PEX14: variants seen among roughly 807,000 people sequenced by gnomAD.
PEX14 encodes the protein peroxisomal biogenesis factor 14, also known as peroxisomal membrane protein PEX14.
A neutral mutation model predicts 49.5 loss-of-function variants in PEX14; 15 were observed. The ratio of observed to expected loss-of-function variants is 0.30; its 90% CI spans 0.20 to 0.47. The LOEUF is 0.47. PEX14 is among the 20% of genes least tolerant of loss of function. PEX14 has a pLI of 1.00. For missense variants in PEX14, 398 were observed against 494.8 expected (o/e 0.80, Z 1.86); for synonymous variants, 210 against 212.7 (o/e 0.99, Z 0.11).
chr1:10,531,722 G>A (rs1638656220), intron 2 of PEX14, among the ~76,000 whole-genome samples: 1 of 152,114 alleles, frequency 6.6e-6, no homozygotes, highest in Non-Finnish European at 1.5e-5. Flanking sequence ...GGAGATAGAT[G>A]TGTATGTAGT....
Position 10,591,949 on chromosome 1 carries a change from A to G in PEX14, c.170-7289A>G, listed in dbSNP as rs369987238. On this transcript the variant is annotated intron_variant, in intron 3 of 8. Transcript: ENST00000356607. The stretch of plus-strand genomic sequence containing the variant: ...TCTCTCTGTCCCTTTTTCTTGATCT[A>G]TAAAACAGAAGGAAAAAAGAAAAAG... Among the ~76,000 whole-genome samples the G allele has an allele frequency of 1.2e-4, 18 of 152,244 alleles. No individual in the cohort carries two copies. In the Middle Eastern group the frequency reaches 0.014, roughly 115 times the overall value.
At position 10,618,341 on chromosome 1, in the gene PEX14, G is replaced by A; in HGVS notation, c.308G>A (p.Gly103Asp). Residue 103 changes from glycine to aspartate, a missense_variant, in exon 5 of 9, where the codon GGC (glycine) becomes GAC (aspartate). Gly to Asp is a moderately conservative substitution (Grantham distance 94). Around this residue, in one of 3 missense-constraint regions of PEX14, gnomAD observed 202 missense variants for 298.5 expected, o/e 0.68. Coordinates refer to ENST00000356607, the MANE Select transcript of PEX14 (RefSeq NM_004565.3). Reference protein sequence around the residue: ...HLISQPYSPAGSRWRDYGALA... With the variant: ...HLISQPYSPADSRWRDYGALA... Reference sequence around the variant, plus strand: ...CTCTTCCCGCCTGTAGGTCCCGCAGGCTCCCGATGGCGAGATTACGGCGCC... The same window carrying A: ...CTCTTCCCGCCTGTAGGTCCCGCAGACTCCCGATGGCGAGATTACGGCGCC... The A allele has an allele frequency of 6.2e-7, 1 of 1,613,802 alleles. No individual in the cohort carries two copies. The highest frequency in any genetic ancestry group is 2.2e-5 in the East Asian group (1 of 44,884).
chr1:10,480,017 T>C lies in PEX14; in HGVS notation c.36+5015T>C, dbSNP rs113388491. ...GAGTGCAACCCTATCACTTAAAAAA[T>C]AAATAAATAAAATAAAAAATAATTA... On this transcript the variant is annotated intron_variant, in intron 1 of 8. Transcript: ENST00000356607. Among the ~76,000 whole-genome samples the C allele has an allele frequency of 4.5e-3, 685 of 152,072 alleles. 7 individuals carry two copies. The highest frequency in any genetic ancestry group is 0.016 in the African/African-American group (645 of 41,514).
intron 2 of PEX14, among the ~76,000 whole-genome samples, chr1:10,502,385 T>G (rs1641697398): frequency 6.6e-6 from 1 of 152,186 alleles, no homozygotes; most frequent in African/African-American, 2.4e-5. Flanking sequence ...GGCCACTTAC[T>G]GGTTTTGAAA....
In PEX14 at chr1:10,495,318, G is replaced by A. The variant is rs1557810674; in HGVS notation, c.81G>A (p.Pro27=). ...GTGAAAATGTGCTGCCTCGAGAGCCGCTGGTAAGTACCCAAGATATGTGGT... is the reference window on the plus strand; with the variant it reads ...GTGAAAATGTGCTGCCTCGAGAGCCACTGGTAAGTACCCAAGATATGTGGT... ...PGSENVLPRE[P]LIATAVKFLQ... is the part of the protein sequence containing the mutation. The change falls in exon 2 of 9, where the codon CCG becomes CCA. Residue 27 remains proline, a synonymous_variant. Coordinates refer to ENST00000356607, the MANE Select transcript of PEX14 (RefSeq NM_004565.3). The surrounding 1 kb of genome is among the most constrained non-coding windows in gnomAD (Gnocchi z 4.2). 6.2e-7 allele frequency: 1 copy of A among 1,612,446 alleles called. No individual in the cohort carries two copies. The highest frequency in any genetic ancestry group is 8.5e-7 in the Non-Finnish European group (1 of 1,178,632).
At chr1:10,510,803 A>G (rs2124435274) in intron 2 of PEX14, among the ~76,000 whole-genome samples, 1 of 152,254 alleles carries the variant, frequency 6.6e-6, no homozygotes, top group Admixed American at 6.5e-5. Context: ...CCTGCTAGGA[A>G]CTTAGGGTGC....
chr1:10,502,123 G>A lies in PEX14; in HGVS notation c.84+6802G>A, dbSNP rs115276734. 7.8e-3 allele frequency among the ~76,000 whole-genome samples: 1,192 copies of A among 152,284 alleles called. 10 individuals are homozygous for A. The highest frequency in any genetic ancestry group is 0.011 in the Non-Finnish European group (745 of 68,028). On this transcript the variant is annotated intron_variant, in intron 2 of 8. Transcript: ENST00000356607. ...AGATCCAGCATCCTGGGCCTGAGATGTAAGCACTTTTCAGAGAGGAAAAAA... is the reference window on the plus strand; with the variant it reads ...AGATCCAGCATCCTGGGCCTGAGATATAAGCACTTTTCAGAGAGGAAAAAA...
chr1:10,487,392 T>C (rs1641388578), intron 1 of PEX14, among the ~76,000 whole-genome samples: 1 of 151,350 alleles, frequency 6.6e-6, no homozygotes, highest in Non-Finnish European at 1.5e-5. Context: ...CTTCCTTAAA[T>C]GTTTGATAGT....
At position 10,624,354 on chromosome 1, in the gene PEX14, A is replaced by G. The variant is rs1404694953; in HGVS notation, c.502A>G (p.Thr168Ala). The G allele has an allele frequency of 1.2e-6, 2 of 1,612,408 alleles. No individual in the cohort carries two copies. The highest frequency in any genetic ancestry group is 1.6e-4 in the Middle Eastern group (1 of 6,084). The change falls in exon 7 of 9, where the codon ACG becomes GCG. Residue 168 changes from threonine (T) to alanine (A), a missense_variant. Coordinates refer to ENST00000356607, the MANE Select transcript of PEX14 (RefSeq NM_004565.3). ...TCTCCTCGCAGTGACTCAGTTACAG[A>G]CGACCCTCGCCTCCGTCCAGGAGCT... Reference protein sequence around the residue: ...SVAQTVTQLQTTLASVQELLI... With the variant: ...SVAQTVTQLQATLASVQELLI...
chr1:10,563,137 C>T (rs1197387090), intron 3 of PEX14, among the ~76,000 whole-genome samples: 6 of 144,126 alleles, frequency 4.2e-5, no homozygotes, highest in Non-Finnish European at 7.5e-5. Flanking sequence ...AGGCTGGTCT[C>T]GAACTCCTGA....
At position 10,569,442 on chromosome 1, in the gene PEX14, C is replaced by T. The variant is rs547496860; in HGVS notation, c.170-29796C>T. Among the ~76,000 whole-genome samples the T allele has an allele frequency of 5.3e-5, 8 of 152,280 alleles. No homozygotes were observed. The East Asian group carries it at 1.2e-3, about 22-fold the overall frequency. On this transcript the variant is annotated intron_variant, in intron 3 of 8. Transcript: ENST00000356607. ...GGTGCCATTTCTGGAGCCCTCTGCCCGCCCTCCCACTGCAGTCTGGACTGC... is the reference window on the plus strand; with the variant it reads ...GGTGCCATTTCTGGAGCCCTCTGCCTGCCCTCCCACTGCAGTCTGGACTGC...
At chr1:10,575,599 T>C (rs4845937) in intron 3 of PEX14, among the ~76,000 whole-genome samples, 11,528 of 152,278 alleles carry the variant, frequency 0.076, 745 homozygotes, top group East Asian at 0.27. Flanking sequence ...AAAAAAAATT[T>C]GGCCACTTGG....
rs142911881 is a variant in PEX14 at position 10,580,973 on chromosome 1, A to T, written c.170-18265A>T. Among the ~76,000 whole-genome samples the T allele has an allele frequency of 4.4e-4, 67 of 152,272 alleles. 2 individuals carry two copies. In the East Asian group the frequency reaches 0.013, roughly 29 times the overall value. Reference sequence around the variant, plus strand: ...CAGAGCCAGGATTAAAACATAAGCCACCTTTTTTTCTAATTTTTGCTTTTA... The same window carrying T: ...CAGAGCCAGGATTAAAACATAAGCCTCCTTTTTTTCTAATTTTTGCTTTTA... On this transcript the variant is annotated intron_variant, in intron 3 of 8. Coordinates refer to ENST00000356607, the MANE Select transcript of PEX14 (RefSeq NM_004565.3).
intron 4 of PEX14, among the ~76,000 whole-genome samples, chr1:10,606,123 G>C (rs563035109): frequency 2.6e-5 from 4 of 152,352 alleles, no homozygotes; most frequent in African/African-American, 9.6e-5. Context: ...CCAAACAAGA[G>C]TGGCTTAAAG....
At chr1:10,485,906 C>T (rs1210209857) in intron 1 of PEX14, among the ~76,000 whole-genome samples, 1 of 151,468 alleles carries the variant, frequency 6.6e-6, no homozygotes, top group Admixed American at 6.6e-5. Flanking sequence ...CAGACGCCCG[C>T]CACCACGCCT....
intron 3 of PEX14, among the ~76,000 whole-genome samples, chr1:10,593,674 T>C (rs1174030327): frequency 6.9e-6 from 1 of 144,200 alleles, no homozygotes; most frequent in African/African-American, 2.7e-5. Context: ...CCAAGTGAAT[T>C]AGACAGGTTG....
chr1:10,598,164 T>C (rs284265), intron 3 of PEX14, among the ~76,000 whole-genome samples: 35,815 of 152,158 alleles, frequency 0.24, 6,194 homozygotes, highest in African/African-American at 0.49. Context: ...TTGGGATTCC[T>C]GGAACAGCAA....
intron 3 of PEX14, among the ~76,000 whole-genome samples, chr1:10,572,502 T>C (rs2124552502): frequency 6.6e-6 from 1 of 152,324 alleles, no homozygotes; most frequent in South Asian, 2.1e-4. Context: ...ATATTCATAA[T>C]ACAGTCATGT....
At chr1:10,565,982 T>C (rs1371166256) in intron 3 of PEX14, among the ~76,000 whole-genome samples, 2 of 152,268 alleles carry the variant, frequency 1.3e-5, no homozygotes, top group African/African-American at 4.8e-5. Flanking sequence ...TGTCTGTCTA[T>C]TTACTTACAT....
Sources: gnomAD v4.1 joint callset for allele counts (sites outside exome capture counted in the v4.1 genomes callset) on GRCh38, gnomAD v4.1.1 for gene constraint, gnomAD v4.1.1 regional missense constraint, Gnocchi (gnomAD v3.1) non-coding constraint, MANE v1.5 for transcripts, NCBI Gene and HGNC (gene_info 2026-07-23, HGNC 2026-07-21) for gene names.